Variants in PRKAG2 observed in about 807,000 individuals in gnomAD.
The protein encoded by PRKAG2 is 5'-AMP-activated protein kinase subunit gamma-2.
PRKAG2 carries 26 observed loss-of-function variants against 69.6 expected under a neutral mutation model. The ratio of observed to expected loss-of-function variants is 0.37; its 90% CI spans 0.27 to 0.52. The LOEUF is 0.52. PRKAG2 is among the 20% of genes least tolerant of loss of function. The pLI is 0.90. For missense variants in PRKAG2, 557 were observed against 740.0 expected, an observed-to-expected ratio of 0.75 and a Z score of 2.87; for synonymous variants, 293 against 285.0, an observed-to-expected ratio of 1.03 and a Z score of -0.28.
At chr7:151,586,920 A>G (rs1472415798) in intron 6 of PRKAG2, among the ~76,000 whole-genome samples, 1 of 152,086 alleles carries the variant, frequency 6.6e-6, no homozygotes, top group African/African-American at 2.4e-5. Flanking sequence ...TTCTCTACTC[A>G]TTCTTCAAGG....
chr7:151,809,154 A>G (rs1043819151), intron 1 of PRKAG2: 3 of 439,086 alleles, frequency 6.8e-6, no homozygotes, highest in African/African-American at 2.0e-5. Context: ...CATCCTGCGT[A>G]AATGCCTGCC....
At chr7:151,767,929 A>G (rs919597741) in intron 3 of PRKAG2, among the ~76,000 whole-genome samples, 1 of 152,170 alleles carries the variant, frequency 6.6e-6, no homozygotes, top group Non-Finnish European at 1.5e-5. Context: ...TTTTTCTCTC[A>G]GCCATTTTCC....
Position 151,675,533 on chromosome 7 carries a change from T to C in PRKAG2, c.571A>G (p.Ile191Val), listed in dbSNP as rs528201736. ...KHEPERLENR[I>V]YASSSPPDTG... ...TCCGGGGGGGAAGACGAGGCATAGA[T>C]GCGATTCTCTAACCGTTCAGGCTCG... The change falls in exon 4 of 16, where the codon ATC becomes GTC. Residue 191 changes from isoleucine to valine, a missense_variant. By Grantham distance (29) the Ile-to-Val change is conservative. This residue lies in a region of PRKAG2 where 352 missense variants were observed against 356.7 expected (regional missense o/e 0.99). Transcript: ENST00000287878. The C allele has an allele frequency of 1.2e-6, 2 of 1,614,102 alleles. No homozygotes were observed. The highest frequency in any genetic ancestry group is 1.3e-5 in the African/African-American group (1 of 75,034).
Position 151,776,346 on chromosome 7 carries a change from C to T in PRKAG2, c.466+4806G>A, listed in dbSNP as rs549642746. Among the ~76,000 whole-genome samples the T allele has an allele frequency of 8.5e-5, 13 of 152,322 alleles. 1 individual carries two copies. The highest frequency in any genetic ancestry group is 4.1e-4 in the South Asian group (2 of 4,824). ...TGGCTGTCTACCCCGATGGTGTAACCGGGCTGTAACAGGCTCTGCCTTCTC... is the reference window on the plus strand; with the variant it reads ...TGGCTGTCTACCCCGATGGTGTAACTGGGCTGTAACAGGCTCTGCCTTCTC... On this transcript the variant is annotated intron_variant, in intron 3 of 15. Coordinates refer to ENST00000287878, the MANE Select transcript of PRKAG2 (RefSeq NM_016203.4).
intron 1 of PRKAG2, among the ~76,000 whole-genome samples, chr7:151,821,062 A>AAGAGAGAGCCTCCAACCCCACGGACCT (rs1184141184): frequency 3.3e-5 from 5 of 152,320 alleles, no homozygotes; most frequent in Admixed American, 6.5e-5. Context: ...AGCTGTGGAG[A>AAGAGAGAGCCTCCAACCCCACGGACCT]CAGGGAACAA....
chr7:151,876,029 C>T (rs559785900), intron 1 of PRKAG2, among the ~76,000 whole-genome samples: 3 of 150,732 alleles, frequency 2.0e-5, no homozygotes, highest in Non-Finnish European at 3.0e-5. Flanking sequence ...TACACAGCTC[C>T]CCCCAACCCC....
intron 3 of PRKAG2, among the ~76,000 whole-genome samples, chr7:151,690,423 C>G (rs1480066758): frequency 6.6e-6 from 1 of 152,054 alleles, no homozygotes; most frequent in East Asian, 1.9e-4. Context: ...CCTGCCTCCC[C>G]TTTCTACACA....
rs143423253 is a variant in PRKAG2 at position 151,634,915 on chromosome 7, G to A, written c.685-2777C>T. The stretch of plus-strand genomic sequence containing the variant: ...AGACAGGATTACTTCTACACTGCTG[G>A]TGGGAATGCAAAATGGAACCACTGT... On this transcript the variant is annotated intron_variant, in intron 4 of 15. Transcript: ENST00000287878. 2.0e-3 allele frequency among the ~76,000 whole-genome samples: 301 copies of A among 151,810 alleles called. 2 individuals are homozygous for A. In the Middle Eastern group the frequency reaches 0.031, roughly 15 times the overall value.
chr7:151,680,453 A>G (rs539861729), intron 3 of PRKAG2, among the ~76,000 whole-genome samples: 8 of 152,294 alleles, frequency 5.3e-5, no homozygotes, highest in Admixed American at 5.2e-4. Flanking sequence ...AGCCATCTGT[A>G]TCGAATGATA....
chr7:151,650,432 G>T (rs541617936), intron 4 of PRKAG2, among the ~76,000 whole-genome samples: 2 of 152,288 alleles, frequency 1.3e-5, no homozygotes, highest in African/African-American at 2.4e-5. Context: ...CAGGGGAAGG[G>T]GTTATGGTCC....
intron 1 of PRKAG2, among the ~76,000 whole-genome samples, chr7:151,834,447 C>A (rs1385395922): frequency 6.6e-6 from 1 of 152,208 alleles, no homozygotes; most frequent in Non-Finnish European, 1.5e-5. Flanking sequence ...TCCTGGGAGC[C>A]TCTGGCCACG....
intron 4 of PRKAG2, 123 bp downstream of exon 4, chr7:151,675,297 G>C: frequency 2.1e-6 from 2 of 930,768 alleles, no homozygotes; most frequent in Non-Finnish European, 3.4e-6. Context: ...ACAATATCCT[G>C]AAGATGTCGG....
chr7:151,841,889 TGGTA>T (rs535421559), intron 1 of PRKAG2, among the ~76,000 whole-genome samples: 110 of 140,832 alleles, frequency 7.8e-4, no homozygotes, highest in African/African-American at 2.8e-3. Flanking sequence ...ATAGTAGTGA[TGGTA>T]GGTAGTGATG....
chr7:151,719,749 C>A lies in PRKAG2; in HGVS notation c.467-44112G>T, dbSNP rs1796737236. On this transcript the variant is annotated intron_variant, in intron 3 of 15. Coordinates refer to ENST00000287878, the MANE Select transcript of PRKAG2 (RefSeq NM_016203.4). The surrounding 1 kb of genome is among the most constrained non-coding windows in gnomAD (Gnocchi z 5.2). ...CTGGCTTCCCAGAGCCTATGTGGGCCTGGCACCCTGATCTGTTCTCAACAA... is the reference window on the plus strand; with the variant it reads ...CTGGCTTCCCAGAGCCTATGTGGGCATGGCACCCTGATCTGTTCTCAACAA... 6.6e-6 allele frequency among the ~76,000 whole-genome samples: 1 copy of A among 151,840 alleles called. No homozygotes were observed. Among genetic ancestry groups the A allele is most frequent in the Non-Finnish European group, 1.5e-5 (1 of 68,000 alleles).
At chr7:151,562,797 C>T (rs1197981927) in intron 14 of PRKAG2, among the ~76,000 whole-genome samples, 4 of 147,618 alleles carry the variant, frequency 2.7e-5, no homozygotes, top group Non-Finnish European at 5.9e-5. Context: ...GAAACCCCGT[C>T]TCTACTAAAA....
chr7:151,743,446 G>A (rs540470976), intron 3 of PRKAG2, among the ~76,000 whole-genome samples: 40 of 152,266 alleles, frequency 2.6e-4, no homozygotes, highest in African/African-American at 8.9e-4. Context: ...CTCATTCAAC[G>A]TGTGTTCTTT....
chr7:151,808,012 T>C (rs1490754470), intron 1 of PRKAG2, among the ~76,000 whole-genome samples: 1 of 152,128 alleles, frequency 6.6e-6, no homozygotes, highest in Non-Finnish European at 1.5e-5. Flanking sequence ...TCTGCCCAAG[T>C]GAGCACAGGG....
At chr7:151,635,620 A>G (rs1227219981) in intron 4 of PRKAG2, among the ~76,000 whole-genome samples, 1 of 152,162 alleles carries the variant, frequency 6.6e-6, no homozygotes, top group African/African-American at 2.4e-5. Context: ...TTCCATTTAT[A>G]TTATAGTCTT....
chr7:151,616,868 T>C (rs1820270214), intron 5 of PRKAG2, among the ~76,000 whole-genome samples: 1 of 152,178 alleles, frequency 6.6e-6, no homozygotes, highest in Admixed American at 6.5e-5. Flanking sequence ...TGTAGCCGTA[T>C]CTTAGCCTGA....
Sources: allele counts gnomAD v4.1 joint callset (sites outside exome capture counted in the v4.1 genomes callset), GRCh38; gene constraint gnomAD v4.1.1; regional missense constraint gnomAD v4.1.1; non-coding constraint Gnocchi (gnomAD v3.1); transcripts MANE v1.5; gene names NCBI Gene and HGNC (gene_info 2026-07-23, HGNC 2026-07-21).